The following CDH6 variants were observed in gnomAD, a reference collection of about 807,000 sequenced individuals.
The protein encoded by CDH6 is cadherin-6.
CDH6 carries 31 observed loss-of-function variants against 78.0 expected under a neutral mutation model. That is an observed-to-expected ratio of 0.40 (90% CI 0.30 to 0.54). CDH6 has a LOEUF of 0.54. Among genes scored for constraint, CDH6 ranks in the 20% least tolerant of loss-of-function variants. The probability of loss-of-function intolerance (pLI) is 0.56; values close to 1 mark genes in which losing one functional copy is unlikely to be tolerated. For synonymous variants in CDH6, 376 were observed against 368.8 expected, an observed-to-expected ratio of 1.02 and a Z score of -0.23; for missense variants, 724 against 975.9, an observed-to-expected ratio of 0.74 and a Z score of 3.44.
chr5:31,220,904 C>A lies in CDH6; in HGVS notation c.-129+27018C>A, dbSNP rs910686618. ...GCAAGTGACTGATCCAGTTTAAGAACTAAAGGGATTTTTTTCCATGGGGCA... is the reference window on the plus strand; with the variant it reads ...GCAAGTGACTGATCCAGTTTAAGAAATAAAGGGATTTTTTTCCATGGGGCA... On this transcript the variant is annotated intron_variant, in intron 1 of 11. Coordinates refer to ENST00000265071, the MANE Select transcript of CDH6 (RefSeq NM_004932.4). 3.3e-5 allele frequency among the ~76,000 whole-genome samples: 5 copies of A among 152,114 alleles called. No individual in the cohort carries two copies. In the East Asian group the frequency reaches 9.7e-4, roughly 30 times the overall value.
Position 31,294,040 on chromosome 5 carries a change from A to C in CDH6, c.307A>C (p.Ile103Leu). The change falls in exon 3 of 12, where the codon ATT becomes CTT. Residue 103 changes from isoleucine to leucine, a missense_variant. Transcript: ENST00000265071. This position sits in a 1 kb window ranked among gnomAD's most constrained non-coding sequence, Gnocchi z 4.1. ...SGDGAGDLFI[I>L]NENTGDIQAT... is the part of the protein sequence containing the mutation. The stretch of plus-strand genomic sequence containing the variant: ...AGATGGAGCAGGAGATCTCTTCATT[A>C]TTAATGAAAACACAGGCGACATACA... 6.2e-7 allele frequency: 1 copy of C among 1,613,774 alleles called. No individual in the cohort carries two copies. The highest frequency in any genetic ancestry group is 8.5e-7 in the Non-Finnish European group (1 of 1,179,726).
intron 2 of CDH6, among the ~76,000 whole-genome samples, chr5:31,280,969 C>T (rs1406864517): frequency 2.6e-5 from 4 of 150,968 alleles, no homozygotes; most frequent in Admixed American, 2.6e-4. Flanking sequence ...GCTATTAATT[C>T]CCTGATGGTA....
chr5:31,215,149 T>C (rs1740828736), intron 1 of CDH6, among the ~76,000 whole-genome samples: 1 of 152,192 alleles, frequency 6.6e-6, no homozygotes, highest in Admixed American at 6.5e-5. Context: ...TGAAAACACT[T>C]AATTACTTTT....
At chr5:31,268,791 C>T (rs1446983255) in intron 2 of CDH6, among the ~76,000 whole-genome samples, 2 of 152,128 alleles carry the variant, frequency 1.3e-5, no homozygotes, top group African/African-American at 4.8e-5. Flanking sequence ...CCCTGAATAA[C>T]CATATGTAAA....
At chr5:31,293,911 AG>A in intron 2 of CDH6, 50 bp from the exon 3 acceptor site, 1 of 1,276,906 alleles carries the variant, frequency 7.8e-7, no homozygotes, top group Non-Finnish European at 1.1e-6. Flanking sequence ...AAAACAGTTT[AG>A]AACCACATGC....
chr5:31,270,832 A>G (rs942979443), intron 2 of CDH6, among the ~76,000 whole-genome samples: 2 of 152,020 alleles, frequency 1.3e-5, no homozygotes, highest in African/African-American at 4.8e-5. Flanking sequence ...ACTAGCTGAG[A>G]CTACAGACAT....
chr5:31,254,274 A>C (rs563665008), intron 1 of CDH6, among the ~76,000 whole-genome samples: 11 of 152,342 alleles, frequency 7.2e-5, no homozygotes, highest in African/African-American at 2.6e-4. Context: ...GCCATTTGGA[A>C]ATGCCAAAGA....
At position 31,263,951 on chromosome 5, in the gene CDH6, G is replaced by A. The variant is rs956694589; in HGVS notation, c.-128-3395G>A. Among the ~76,000 whole-genome samples, 13 of 152,034 alleles carry A rather than the reference G, an allele frequency of 8.6e-5. 1 individual carries two copies. The highest frequency in any genetic ancestry group is 2.4e-4 in the African/African-American group (10 of 41,404). ...TAAAGATGACTTTTAAAATCTTAAC[G>A]TAATAAAATGGAAAGAAGAAAATAT... On this transcript the variant is annotated intron_variant, in intron 1 of 11. Transcript: ENST00000265071.
At chr5:31,197,554 CT>C (rs1430376511) in intron 1 of CDH6, among the ~76,000 whole-genome samples, 3 of 152,190 alleles carry the variant, frequency 2.0e-5, no homozygotes, top group African/African-American at 7.2e-5. Context: ...GACAATCAAA[CT>C]TTCTCTGGTT....
At chr5:31,237,159 A>G (rs1463282190) in intron 1 of CDH6, among the ~76,000 whole-genome samples, 2 of 150,484 alleles carry the variant, frequency 1.3e-5, no homozygotes, top group Non-Finnish European at 3.0e-5. Context: ...AATAATATTT[A>G]GTAAATAGTT....
rs1161263550 is a variant in CDH6 at position 31,305,437 on chromosome 5, C to A, written c.1253+10C>A. 6.2e-7 allele frequency: 1 copy of A among 1,604,550 alleles called. No individual in the cohort carries two copies. The highest frequency in any genetic ancestry group is 8.5e-7 in the Non-Finnish European group (1 of 1,174,718). On this transcript the variant is annotated intron_variant, in intron 7 of 11. Coordinates refer to ENST00000265071, the MANE Select transcript of CDH6 (RefSeq NM_004932.4). ...CCAGGAATCCTGTCAAGTAAGCACA[C>A]TTCTGCGACATGTCTCTTTCATAAG...
At chr5:31,293,839 A>T in intron 2 of CDH6, 123 bp from the exon 3 acceptor site, 1 of 574,122 alleles carries the variant, frequency 1.7e-6, no homozygotes, top group Non-Finnish European at 2.9e-6. Context: ...GTAAAAAAAA[A>T]AAAACTTGTA....
intron 1 of CDH6, among the ~76,000 whole-genome samples, chr5:31,254,461 A>G (rs2149926528): frequency 6.6e-6 from 1 of 152,322 alleles, no homozygotes; most frequent in African/African-American, 2.4e-5. Context: ...TCTCATGTCA[A>G]ACTGCAAAAG....
At chr5:31,215,155 C>A (rs998732254) in intron 1 of CDH6, among the ~76,000 whole-genome samples, 2 of 152,124 alleles carry the variant, frequency 1.3e-5, no homozygotes, top group East Asian at 3.9e-4. Context: ...CACTTAATTA[C>A]TTTTTAATCC....
chr5:31,317,640 A>G (rs775498530), intron 10 of CDH6, 33 bp from the exon 11 acceptor site: 11 of 1,596,342 alleles, frequency 6.9e-6, no homozygotes, highest in Non-Finnish European at 8.6e-6. Flanking sequence ...CGCAGTATCC[A>G]CATACATTCA....
At chr5:31,267,324 G>C (rs1742389506) in intron 1 of CDH6, 22 bp from the exon 2 acceptor site, 1 of 607,150 alleles carries the variant, frequency 1.6e-6, no homozygotes, top group South Asian at 2.2e-5. Flanking sequence ...AAAAATGCTT[G>C]TTATGTTATT....
chr5:31,286,320 T>C (rs1388836902), intron 2 of CDH6, among the ~76,000 whole-genome samples: 1 of 152,104 alleles, frequency 6.6e-6, no homozygotes, highest in African/African-American at 2.4e-5. Flanking sequence ...GGGGAATGAA[T>C]TGATTGCATA....
At chr5:31,199,717 C>CATA (rs1423706594) in intron 1 of CDH6, among the ~76,000 whole-genome samples, 2 of 114,746 alleles carry the variant, frequency 1.7e-5, no homozygotes, top group East Asian at 5.7e-4. Flanking sequence ...ATATATATAT[C>CATA]TCAAAGATAA....
At chr5:31,245,529 T>A (rs1371755905) in intron 1 of CDH6, among the ~76,000 whole-genome samples, 1 of 152,206 alleles carries the variant, frequency 6.6e-6, no homozygotes, top group African/African-American at 2.4e-5. Flanking sequence ...ACAACTTGTG[T>A]GTCCCAGCTC....
Sources: allele counts gnomAD v4.1 joint callset (sites outside exome capture counted in the v4.1 genomes callset), GRCh38; gene constraint gnomAD v4.1.1; non-coding constraint Gnocchi (gnomAD v3.1); transcripts MANE v1.5; gene names NCBI Gene and HGNC (gene_info 2026-07-23, HGNC 2026-07-21).